The following EDIL3 variants were observed in gnomAD, a reference collection of about 807,000 sequenced individuals.
EDIL3 encodes EGF-like repeat and discoidin I-like domain-containing protein 3.
A neutral mutation model predicts 67.4 loss-of-function variants in EDIL3; 37 were observed. That is an observed-to-expected ratio of 0.55 (90% confidence interval 0.42 to 0.72). The LOEUF is 0.72. Ranked by LOEUF, EDIL3 falls within the 30% of genes least tolerant of loss-of-function variation. The pLI, the probability that EDIL3 is intolerant of heterozygous loss-of-function variation, is 0.00. For synonymous variants in EDIL3, 195 were observed against 196.3 expected, an observed-to-expected ratio of 0.99 and a Z score of 0.05; for missense variants, 527 against 586.3, an observed-to-expected ratio of 0.90 and a Z score of 1.04.
chr5:84,285,568 A>G (rs1034684731), intron 1 of EDIL3, among the ~76,000 whole-genome samples: 2 of 152,356 alleles, frequency 1.3e-5, no homozygotes, highest in Non-Finnish European at 2.9e-5. Context: ...TCTGTAGGAT[A>G]TTATAAAATT....
chr5:84,233,095 A>C (rs377731735), intron 2 of EDIL3, among the ~76,000 whole-genome samples: 4 of 152,208 alleles, frequency 2.6e-5, no homozygotes, highest in South Asian at 4.1e-4. Context: ...AAAACCAAAA[A>C]TAAGCAACCC....
intron 5 of EDIL3, among the ~76,000 whole-genome samples, chr5:84,108,901 T>C (rs1747509434): frequency 6.6e-6 from 1 of 152,200 alleles, no homozygotes; most frequent in Non-Finnish European, 1.5e-5. Context: ...TAAAAATAAC[T>C]CTGTGCCATT....
chr5:84,081,624 G>C (rs1169707029), intron 6 of EDIL3, among the ~76,000 whole-genome samples: 2 of 152,154 alleles, frequency 1.3e-5, no homozygotes, highest in African/African-American at 4.8e-5. Context: ...GAGGAATGCT[G>C]TGTGCGAGGC....
At chr5:84,209,090 T>G (rs1449709343) in intron 3 of EDIL3, among the ~76,000 whole-genome samples, 1 of 151,952 alleles carries the variant, frequency 6.6e-6, no homozygotes, top group African/African-American at 2.4e-5. Flanking sequence ...ATGGATGAAA[T>G]TGGAAATCAT....
chr5:84,061,184 T>C (rs529817128), intron 8 of EDIL3, among the ~76,000 whole-genome samples: 1 of 152,292 alleles, frequency 6.6e-6, no homozygotes, highest in Admixed American at 6.5e-5. Flanking sequence ...AACCTTTTAA[T>C]ACATTATTTT....
At chr5:84,052,657 T>C (rs1265009410) in intron 9 of EDIL3, among the ~76,000 whole-genome samples, 1 of 152,116 alleles carries the variant, frequency 6.6e-6, no homozygotes, top group Non-Finnish European at 1.5e-5. Flanking sequence ...GGGGTTGCAA[T>C]CCTAGTCTCT....
intron 1 of EDIL3, among the ~76,000 whole-genome samples, chr5:84,378,882 C>T (rs1032035031): frequency 6.6e-6 from 1 of 152,184 alleles, no homozygotes; most frequent in African/African-American, 2.4e-5. Flanking sequence ...TATCATCTTC[C>T]TTTTCTTTCC....
chr5:84,195,127 G>A (rs1301004373), intron 3 of EDIL3, among the ~76,000 whole-genome samples: 1 of 151,834 alleles, frequency 6.6e-6, no homozygotes, highest in Admixed American at 6.6e-5. Context: ...CAAAAAAGCT[G>A]AGGTTCACAT....
At chr5:83,997,326 A>T (rs1745253432) in intron 9 of EDIL3, among the ~76,000 whole-genome samples, 1 of 152,202 alleles carries the variant, frequency 6.6e-6, no homozygotes, top group African/African-American at 2.4e-5. Flanking sequence ...GAACTAAACT[A>T]GATAGTGGCA....
chr5:84,286,310 G>A (rs999484184), intron 1 of EDIL3, among the ~76,000 whole-genome samples: 2 of 152,136 alleles, frequency 1.3e-5, no homozygotes, highest in African/African-American at 4.8e-5. Context: ...GGGAGTCATA[G>A]AGCCTGTCGT....
chr5:84,275,896 T>C (rs1745576019), intron 1 of EDIL3, among the ~76,000 whole-genome samples: 1 of 152,250 alleles, frequency 6.6e-6, no homozygotes, highest in South Asian at 2.1e-4. Context: ...TCTTGTCACA[T>C]AGATCTATTA....
chr5:84,174,907 T>C (rs1305666449), intron 4 of EDIL3, among the ~76,000 whole-genome samples: 1 of 152,148 alleles, frequency 6.6e-6, no homozygotes, highest in Non-Finnish European at 1.5e-5. Context: ...CACGGAAGAA[T>C]GATACGATAA....
intron 4 of EDIL3, among the ~76,000 whole-genome samples, chr5:84,171,729 C>T (rs1480297957): frequency 6.6e-6 from 1 of 152,092 alleles, no homozygotes; most frequent in East Asian, 1.9e-4. Context: ...GCATTATAAC[C>T]CTTCACATAT....
rs1013610447 is a variant in EDIL3 at position 84,134,090 on chromosome 5, G to A, written c.469+3151C>T. ...TTTTTACCATGTAATTTTGCAACAG[G>A]TCATAATAGAGTTAGATATAAATTT... On this transcript the variant is annotated intron_variant, in intron 5 of 10. Coordinates refer to ENST00000296591, the MANE Select transcript of EDIL3 (RefSeq NM_005711.5). Among the ~76,000 whole-genome samples, 3 of 151,960 alleles carry A rather than the reference G, an allele frequency of 2.0e-5. No homozygotes were observed. In the South Asian group the frequency reaches 6.2e-4, roughly 32 times the overall value.
chr5:84,338,796 G>A (rs1035880601), intron 1 of EDIL3, among the ~76,000 whole-genome samples: 2 of 152,134 alleles, frequency 1.3e-5, no homozygotes, highest in Non-Finnish European at 2.9e-5. Flanking sequence ...GGCTAAGGCA[G>A]CACCCCAGGC....
At chr5:84,019,480 A>G (rs1290161775) in intron 9 of EDIL3, among the ~76,000 whole-genome samples, 3 of 152,156 alleles carry the variant, frequency 2.0e-5, no homozygotes, top group African/African-American at 7.2e-5. Context: ...CCAACATGGC[A>G]CATGTATACA....
Position 83,944,655 on chromosome 5 carries a change from C to T in EDIL3, c.1294-1087G>A, listed in dbSNP as rs545059511. Reference sequence around the variant, plus strand: ...CATTTCTTATTAAAGTGATTTCTAACTATTTTATATCTACATTTTTAAAAA... The same window carrying T: ...CATTTCTTATTAAAGTGATTTCTAATTATTTTATATCTACATTTTTAAAAA... On this transcript the variant is annotated intron_variant, in intron 10 of 10. Coordinates refer to ENST00000296591, the MANE Select transcript of EDIL3 (RefSeq NM_005711.5). Among the ~76,000 whole-genome samples the T allele has an allele frequency of 2.0e-3, 307 of 151,796 alleles. 2 individuals are homozygous for T. Among genetic ancestry groups the T allele is most frequent in the African/African-American group, 7.0e-3 (291 of 41,466 alleles).
chr5:84,212,846 A>C (rs2112391163), intron 3 of EDIL3, among the ~76,000 whole-genome samples: 1 of 152,254 alleles, frequency 6.6e-6, no homozygotes, highest in African/African-American at 2.4e-5. Context: ...AAAGGAAAGA[A>C]TGTCTTACGG....
chr5:84,296,207 C>T (rs1387173185), intron 1 of EDIL3, among the ~76,000 whole-genome samples: 1 of 152,132 alleles, frequency 6.6e-6, no homozygotes, highest in Non-Finnish European at 1.5e-5. Flanking sequence ...TCCCTCTTTC[C>T]TCTCCCCAGG....
Sources: gnomAD v4.1 joint callset for allele counts (sites outside exome capture counted in the v4.1 genomes callset) on GRCh38, gnomAD v4.1.1 for gene constraint, MANE v1.5 for transcripts, NCBI Gene and HGNC (gene_info 2026-07-23, HGNC 2026-07-21) for gene names.